The following TUT7 variants were observed in gnomAD, a reference collection of about 807,000 sequenced individuals.
The protein encoded by TUT7 is terminal uridylyl transferase 7.
TUT7 carries 33 observed loss-of-function variants against 165.9 expected under a neutral mutation model. The ratio of observed to expected loss-of-function variants is 0.20; its 90% CI spans 0.15 to 0.27. TUT7 has a LOEUF of 0.27. TUT7 is among the 10% of genes least tolerant of loss of function. TUT7 has a pLI of 1.00. For missense variants in TUT7, 1,338 were observed against 1,762.3 expected, an observed-to-expected ratio of 0.76 and a Z score of 4.31; for synonymous variants, 552 against 608.1, an observed-to-expected ratio of 0.91 and a Z score of 1.36.
intron 8 of TUT7, among the ~76,000 whole-genome samples, chr9:86,339,334 G>GGCTAACAT (rs937647384): frequency 2.6e-5 from 4 of 152,020 alleles, no homozygotes; most frequent in African/African-American, 9.7e-5. Flanking sequence ...AGACCATCCT[G>GGCTAACAT]GGTGAAACCC....
rs1301990570 is a variant in TUT7, at chr9:86,304,959, A to C, written c.3887-12T>G. The C allele has an allele frequency of 6.4e-7, 1 of 1,562,922 alleles. No individual in the cohort carries two copies. The highest frequency in any genetic ancestry group is 8.8e-7 in the Non-Finnish European group (1 of 1,138,162). ...TATAAAATTTGTCACTAAAAAGAAGAGTAAGAACTCACTTAGGCGGGTTAA... is the reference window on the plus strand; with the variant it reads ...TATAAAATTTGTCACTAAAAAGAAGCGTAAGAACTCACTTAGGCGGGTTAA... On this transcript the variant is annotated splice_polypyrimidine_tract_variant and intron_variant, in intron 23 of 26. Coordinates refer to ENST00000375963, the MANE Select transcript of TUT7 (RefSeq NM_024617.4).
intron 22 of TUT7, among the ~76,000 whole-genome samples, chr9:86,308,026 C>T (rs1827681063): frequency 1.3e-5 from 2 of 152,102 alleles, no homozygotes; most frequent in South Asian, 4.2e-4. Flanking sequence ...GAAAAGGCTT[C>T]CATATGGTCA....
At position 86,311,604 on chromosome 9, in the gene TUT7, CCCACGGTCTCCCTCTCCCTCTCTTT is replaced by C. The variant is rs1828064118; in HGVS notation, c.3275-820_3275-796del. Among the ~76,000 whole-genome samples the C allele has an allele frequency of 6.6e-6, 1 of 151,822 alleles. No individual in the cohort carries two copies. Among genetic ancestry groups the C allele is most frequent in the Non-Finnish European group, 1.5e-5 (1 of 67,942 alleles). On this transcript the variant is annotated intron_variant, in intron 17 of 26. Transcript: ENST00000375963. This position sits in a 1 kb window ranked among gnomAD's most constrained non-coding sequence, Gnocchi z 4.4. ...TCTCCCCTCTTCCCTCTCCCCTCTC[CCCACGGTCTCCCTCTCCCTCTCTTT>C]CCACGGTCTCCCTCTGATGCCGGTC... is the stretch of plus-strand genomic sequence containing the variant.
At chr9:86,309,074 T>A (rs1046838495) in intron 21 of TUT7, 138 bp downstream of exon 21, 38 of 579,458 alleles carry the variant, frequency 6.6e-5, no homozygotes, top group Admixed American at 4.8e-4. Context: ...AAAGAAAGCA[T>A]CTGAAAACAC....
At chr9:86,296,708 C>T (rs955550630) in intron 26 of TUT7, among the ~76,000 whole-genome samples, 1 of 152,224 alleles carries the variant, frequency 6.6e-6, no homozygotes, top group African/African-American at 2.4e-5. Flanking sequence ...AAGGTCAATA[C>T]ACCATATATG....
intron 24 of TUT7, among the ~76,000 whole-genome samples, chr9:86,303,992 G>T (rs1480451947): frequency 6.6e-6 from 1 of 152,072 alleles, no homozygotes; most frequent in Admixed American, 6.5e-5. Context: ...AGGGAATAGG[G>T]GGTTGCTGGT....
At chr9:86,326,310 G>A (rs1829793745) in intron 11 of TUT7, 1 of 154,250 alleles carries the variant, frequency 6.5e-6, no homozygotes, top group South Asian at 2.0e-4. Flanking sequence ...TCTGGGTCAA[G>A]GTCTATAATC....
intron 12 of TUT7, chr9:86,324,800 T>G (rs1408850582): frequency 1.3e-5 from 2 of 153,040 alleles, no homozygotes; most frequent in Non-Finnish European, 2.9e-5. Flanking sequence ...TGATTTCAGT[T>G]AAATGAGGCT....
chr9:86,332,884 C>T (rs1467815382), intron 10 of TUT7, among the ~76,000 whole-genome samples: 1 of 152,118 alleles, frequency 6.6e-6, no homozygotes, highest in African/African-American at 2.4e-5. Context: ...GCTGACATTT[C>T]CTATCTCTTC....
At chr9:86,305,265 T>G in intron 22 of TUT7, 26 bp from the exon 23 acceptor site, 2 of 1,518,278 alleles carry the variant, frequency 1.3e-6, no homozygotes. Context: ...TAAGAGCAAA[T>G]AAGGTAATCA....
intron 10 of TUT7, 185 bp downstream of exon 10, chr9:86,337,234 G>A (rs1378287213): frequency 3.0e-6 from 2 of 670,362 alleles, no homozygotes; most frequent in Non-Finnish European, 4.9e-6. Context: ...CAGGTTATAG[G>A]GCAACATACT....
chr9:86,306,113 C>G (rs1450790156), intron 22 of TUT7, among the ~76,000 whole-genome samples: 1 of 152,124 alleles, frequency 6.6e-6, no homozygotes, highest in Non-Finnish European at 1.5e-5. Flanking sequence ...GTGTAGATAT[C>G]TAACTTCTAT....
chr9:86,301,244 AG>A, intron 26 of TUT7, 31 bp downstream of exon 26: 1 of 1,557,516 alleles, frequency 6.4e-7, no homozygotes, highest in Non-Finnish European at 8.7e-7. Flanking sequence ...GAGATGTTAG[AG>A]CAAACATCAA....
intron 20 of TUT7, 63 bp from the exon 21 acceptor site, chr9:86,309,352 C>G: frequency 7.0e-7 from 1 of 1,426,530 alleles, no homozygotes; most frequent in South Asian, 1.2e-5. Context: ...ACAAAAACTT[C>G]TAGGAAAATA....
At chr9:86,336,923 C>T (rs791320) in intron 10 of TUT7, 95,459 of 152,700 alleles carry the variant, frequency 0.63, 30,800 homozygotes, top group African/African-American at 0.79. Flanking sequence ...GAGATGACTA[C>T]TAGGTTCTGC....
rs767979913 is a variant in TUT7 at position 86,323,444 on chromosome 9, C to T, written c.2306G>A (p.Arg769His). ...GCTGCCACAGACAACATGCTCTCCA[C>T]GTTTCTGATCAACAGTCAACAGATG... The part of the protein sequence containing the change: ...GKHLLTVDQK[R>H]GEHVVCGSTR... The change falls in exon 13 of 27, where the codon CGT becomes CAT. Residue 769 changes from arginine (R) to histidine (H), a missense_variant. Coordinates refer to ENST00000375963, the MANE Select transcript of TUT7 (RefSeq NM_024617.4). 5.0e-6 allele frequency: 8 copies of T among 1,614,240 alleles called. No homozygotes were observed. The highest frequency in any genetic ancestry group is 3.3e-5 in the South Asian group (3 of 91,088).
rs778231523 is a variant in TUT7 at position 86,323,029 on chromosome 9, G to A, written c.2721C>T (p.Asp907=). ...CTACATGTTTTCCACATTCTTTCAC[G>A]TCTTCATACTTAGCAGCTTCGCCTA... ...DELGEAAKYE[D]VKECGKHVER... Residue 907 remains aspartate, a synonymous_variant, in exon 13 of 27, where the codon GAC becomes GAT. Coordinates refer to ENST00000375963, the MANE Select transcript of TUT7 (RefSeq NM_024617.4). 14 of 1,613,878 alleles carry A rather than the reference G, an allele frequency of 8.7e-6. No individual in the cohort carries two copies. In the East Asian group the frequency reaches 1.8e-4, roughly 21 times the overall value.
At chr9:86,309,736 C>CT (rs1827849564) in intron 19 of TUT7, among the ~76,000 whole-genome samples, 160 bp from the exon 20 acceptor site, 1 of 152,234 alleles carries the variant, frequency 6.6e-6, no homozygotes, top group Non-Finnish European at 1.5e-5. Context: ...CAGTGGACAG[C>CT]TGGCTACGTG....
chr9:86,337,604 C>CCTAAA (rs1425685655), intron 9 of TUT7, 66 bp from the exon 10 acceptor site: 3 of 1,539,670 alleles, frequency 1.9e-6, no homozygotes, highest in Admixed American at 2.2e-5. Flanking sequence ...CACGATTTGG[C>CCTAAA]CTAAAACCTG....
Sources: allele counts gnomAD v4.1 joint callset (sites outside exome capture counted in the v4.1 genomes callset), GRCh38; gene constraint gnomAD v4.1.1; non-coding constraint Gnocchi (gnomAD v3.1); transcripts MANE v1.5; gene names NCBI Gene and HGNC (gene_info 2026-07-23, HGNC 2026-07-21).